ABR: variants seen among roughly 807,000 people sequenced by gnomAD.
The protein encoded by ABR is active breakpoint cluster region-related protein.
ABR carries 35 observed loss-of-function variants against 107.2 expected under a neutral mutation model. The observed-to-expected ratio is 0.33, with a 90% CI of 0.25 to 0.43. The LOEUF (loss-of-function observed/expected upper bound fraction) is 0.43. Ranked by LOEUF, ABR falls within the 20% of genes least tolerant of loss-of-function variation. The pLI is 1.00. For synonymous variants in ABR, 498 were observed against 462.0 expected (o/e 1.08, Z -1.00); for missense variants, 815 against 1,115.2 (o/e 0.73, Z 3.83).
At chr17:1,133,193 G>A (rs1485596376) in intron 1 of ABR, among the ~76,000 whole-genome samples, 1 of 149,844 alleles carries the variant, frequency 6.7e-6, no homozygotes, top group Non-Finnish European at 1.5e-5. Flanking sequence ...GGTGAGCCAA[G>A]ATCACAACAT....
At position 1,179,738 on chromosome 17, in the gene ABR, C is replaced by A; in HGVS notation, c.-11G>T. ...GCTGAGCGGCTCCATCCCGCGGCGG[C>A]GGCTCGGTCAGATCCGAAACCCGAC... is the stretch of plus-strand genomic sequence containing the variant. On this transcript the variant is annotated 5_prime_UTR_variant, in exon 1 of 23. Coordinates refer to ENST00000302538, the MANE Select transcript of ABR (RefSeq NM_021962.5). The surrounding 1 kb of genome is among the most constrained non-coding windows in gnomAD (Gnocchi z 4.9). 7.1e-7 allele frequency: 1 copy of A among 1,412,296 alleles called. No individual in the cohort carries two copies. Among genetic ancestry groups the A allele is most frequent in the Admixed American group, 2.1e-5 (1 of 47,324 alleles). The allele number at this position is 1,412,296 out of a possible 1,614,324, so 87.5% of individuals were successfully genotyped here.
chr17:1,181,558 G>T (rs920364806), upstream of ABR, among the ~76,000 whole-genome samples: 3 of 152,172 alleles, frequency 2.0e-5, no homozygotes, highest in African/African-American at 7.2e-5. Flanking sequence ...ACAGGATTGG[G>T]AGGGCCAAGC....
In ABR at chr17:1,148,167, A is replaced by G. The variant is rs2040633353; in HGVS notation, c.62-22800T>C. ...ACCCGCATTCCTAAGAGCATTATTG[A>G]CACTTGCCAAAAAACAGAAACACCT... On this transcript the variant is annotated intron_variant, in intron 1 of 22. Coordinates refer to ENST00000302538, the MANE Select transcript of ABR (RefSeq NM_021962.5). This position sits in a 1 kb window ranked among gnomAD's most constrained non-coding sequence, Gnocchi z 4.9. 6.6e-6 allele frequency among the ~76,000 whole-genome samples: 1 copy of G among 152,228 alleles called. No individual in the cohort carries two copies. The highest frequency in any genetic ancestry group is 6.5e-5 in the Admixed American group (1 of 15,284).
At chr17:1,178,509 A>AGCGGAGATT (rs2041991858) in intron 1 of ABR, among the ~76,000 whole-genome samples, 1 of 151,052 alleles carries the variant, frequency 6.6e-6, no homozygotes, top group South Asian at 2.1e-4. Flanking sequence ...GGTTGCAATG[A>AGCGGAGATT]GCGGAGATTG....
chr17:1,161,908 C>G (rs150290040), intron 1 of ABR, among the ~76,000 whole-genome samples: 2 of 152,226 alleles, frequency 1.3e-5, no homozygotes, highest in Non-Finnish European at 2.9e-5. Context: ...TCCTCTCCCA[C>G]CCGCTACACC....
chr17:1,018,053 T>G (rs934690157), intron 16 of ABR, among the ~76,000 whole-genome samples: 1 of 151,750 alleles, frequency 6.6e-6, no homozygotes, highest in African/African-American at 2.4e-5. Context: ...ATTTATTTAT[T>G]TATTTTTGAG....
chr17:1,089,052 C>T (rs1239753947), intron 4 of ABR, among the ~76,000 whole-genome samples: 2 of 152,128 alleles, frequency 1.3e-5, no homozygotes, highest in Admixed American at 1.3e-4. Context: ...CATTCCACCA[C>T]ACCCTGCTAA....
chr17:1,196,250 C>T (rs921647594), intron 1 of ABR, among the ~76,000 whole-genome samples: 2 of 151,644 alleles, frequency 1.3e-5, no homozygotes, highest in East Asian at 3.9e-4. Context: ...GCCAACATGG[C>T]GAAACCCTCT....
intron 1 of ABR, among the ~76,000 whole-genome samples, chr17:1,151,582 T>C (rs2040796613): frequency 6.6e-6 from 1 of 152,142 alleles, no homozygotes; most frequent in Non-Finnish European, 1.5e-5. Context: ...ATTGTCATGG[T>C]TTTTCCAGCA....
At chr17:1,013,511 GTAT>G (rs2070842118) in intron 16 of ABR, among the ~76,000 whole-genome samples, 1 of 152,162 alleles carries the variant, frequency 6.6e-6, no homozygotes. Context: ...CGGGACATGG[GTAT>G]TATTACCCCA....
At chr17:1,023,119 ACAGCGCCTCTGCCGGCCCCACGTCCACTC>A (rs772945445) in intron 16 of ABR, among the ~76,000 whole-genome samples, 53 of 99,010 alleles carry the variant, frequency 5.4e-4, no homozygotes, top group Non-Finnish European at 9.3e-4. Context: ...CACGTCCACT[ACAGCGCCTCTGCCGGCCCCACGTCCACTC>A]CAGCGCCTCT....
chr17:1,185,654 TAA>T lies in ABR; in HGVS notation c.-78+1144_-78+1145del, dbSNP rs775804045. 1.8e-3 allele frequency among the ~76,000 whole-genome samples: 69 copies of T among 39,346 alleles called. 1 individual carries two copies. Among genetic ancestry groups the T allele is most frequent in the African/African-American group, 5.8e-3 (60 of 10,334 alleles). The allele number at this position is 39,346 out of a possible 152,430, so 25.8% of individuals were successfully genotyped here. A position where few individuals can be genotyped will look rare whatever the true frequency, so the allele number is the denominator to read the frequency against. Reference sequence around the variant, plus strand: ...AGTGAGACTCCGTCTCAGAAAGAAATAAAAAAAAAAAAAAAAAAAAAAAAAAG... The same window carrying T: ...AGTGAGACTCCGTCTCAGAAAGAAATAAAAAAAAAAAAAAAAAAAAAAAAG... On this transcript the variant is annotated intron_variant, in intron 1 of 22. Coordinates refer to the ABR transcript ENST00000544583.
chr17:1,012,031 C>T (rs747382317), intron 18 of ABR, 46 bp from the exon 19 acceptor site: 1 of 1,607,454 alleles, frequency 6.2e-7, no homozygotes, highest in South Asian at 1.1e-5. Context: ...CCCACGACAG[C>T]TCTCCCGTAG....
chr17:1,020,637 C>T (rs954720925), intron 16 of ABR, among the ~76,000 whole-genome samples: 7 of 152,154 alleles, frequency 4.6e-5, no homozygotes, highest in South Asian at 2.1e-4. Context: ...GAGGTCGCCT[C>T]GCCTTTCTGG....
At chr17:1,076,714 C>CG (rs376868048) in intron 6 of ABR, among the ~76,000 whole-genome samples, 19,094 of 41,874 alleles carry the variant, frequency 0.46, 2,301 homozygotes, top group East Asian at 0.56. Flanking sequence ...GGCAGGTGCA[C>CG]GGGGGGGGTG....
chr17:1,031,710 C>T (rs1172159347), intron 16 of ABR: 5 of 1,250,038 alleles, frequency 4.0e-6, no homozygotes, highest in East Asian at 3.2e-5. Context: ...CGCCTTCGGG[C>T]TGCAGTCGGG....
chr17:1,045,465 CAGCAGGACAATCTTCCGTCTTCTTAT>C (rs540769102), intron 16 of ABR, among the ~76,000 whole-genome samples: 3,046 of 103,382 alleles, frequency 0.029, 38 homozygotes, highest in East Asian at 0.041. Context: ...CGTCTTCTTA[CAGCAGGACAATCTTCCGTCTTCTTAT>C]AGCAGGAGGC....
At chr17:1,161,017 C>T (rs1490609719) in intron 1 of ABR, among the ~76,000 whole-genome samples, 1 of 152,150 alleles carries the variant, frequency 6.6e-6, no homozygotes, top group East Asian at 1.9e-4. Flanking sequence ...ACCGCCCTGC[C>T]TGCTAAATAT....
chr17:1,069,380 C>T (rs941908536), intron 9 of ABR, among the ~76,000 whole-genome samples: 3 of 152,134 alleles, frequency 2.0e-5, no homozygotes, highest in African/African-American at 7.2e-5. Flanking sequence ...AAGGAAAAAA[C>T]CGGCCAGGCG....
Sources: gnomAD v4.1 joint callset for allele counts (sites outside exome capture counted in the v4.1 genomes callset) on GRCh38, gnomAD v4.1.1 for gene constraint, Gnocchi (gnomAD v3.1) non-coding constraint, MANE v1.5 for transcripts, NCBI Gene and HGNC (gene_info 2026-07-23, HGNC 2026-07-21) for gene names.